PVT1: variants seen among roughly 807,000 people sequenced by gnomAD.
The protein encoded by PVT1 is CXCR4/PVT1 fusion.
At chr8:128,012,597 G>A (rs1348086657) in intron 4 of PVT1, among the ~76,000 whole-genome samples, 2 of 152,164 alleles carry the variant, frequency 1.3e-5, no homozygotes, top group South Asian at 2.1e-4. Flanking sequence ...AGGAGTTCTT[G>A]CAGAGTTGAT....
At chr8:127,862,489 G>A (rs1459889950) in intron 2 of PVT1, among the ~76,000 whole-genome samples, 1 of 152,020 alleles carries the variant, frequency 6.6e-6, no homozygotes, top group Non-Finnish European at 1.5e-5. Context: ...GCAATGATAC[G>A]TTCATAGCTC....
chr8:127,951,818 C>CTT (rs142500841), intron 3 of PVT1, among the ~76,000 whole-genome samples: 1 of 144,724 alleles, frequency 6.9e-6, no homozygotes, highest in African/African-American at 2.6e-5. Context: ...AACAGAATTC[C>CTT]TTTTTTTTTT....
intron 2 of PVT1, among the ~76,000 whole-genome samples, chr8:127,819,639 G>A (rs754302852): frequency 4.6e-5 from 7 of 152,062 alleles, no homozygotes; most frequent in Non-Finnish European, 8.8e-5. Context: ...AAGAGCCTCG[G>A]GATAAGTCGG....
intron 3 of PVT1, chr8:127,939,859 A>G (rs2129905235): frequency 6.6e-6 from 1 of 152,268 alleles, no homozygotes; most frequent in Non-Finnish European, 1.5e-5. Context: ...TGCTGGGCCC[A>G]CTGTTTTCTA....
intron 4 of PVT1, among the ~76,000 whole-genome samples, chr8:128,005,423 G>C (rs1016536212): frequency 6.6e-5 from 10 of 152,178 alleles, no homozygotes; most frequent in Non-Finnish European, 1.5e-4. Context: ...GCCAGGTGGG[G>C]CTTGGTGCAA....
intron 3 of PVT1, among the ~76,000 whole-genome samples, chr8:127,906,994 T>C (rs566992600): frequency 6.9e-6 from 1 of 144,070 alleles, no homozygotes; most frequent in South Asian, 2.2e-4. Context: ...AGAGTCTTGC[T>C]CTGTCAGCCA....
intron 3 of PVT1, among the ~76,000 whole-genome samples, chr8:127,970,955 T>C (rs1435207292): frequency 6.6e-6 from 1 of 152,190 alleles, no homozygotes; most frequent in Admixed American, 6.5e-5. Context: ...TATCAGTTTT[T>C]GTAAATAAAA....
chr8:128,052,406 G>C (rs1219734898), intron 4 of PVT1, among the ~76,000 whole-genome samples: 1 of 152,218 alleles, frequency 6.6e-6, no homozygotes, highest in Non-Finnish European at 1.5e-5. Flanking sequence ...GGTGATGTGA[G>C]TGATGTGAAA....
At chr8:127,849,978 G>A (rs1335275403) in intron 2 of PVT1, among the ~76,000 whole-genome samples, 3 of 137,574 alleles carry the variant, frequency 2.2e-5, no homozygotes, top group East Asian at 5.7e-4. Context: ...GTGCACGTGC[G>A]TGGGTGCACA....
chr8:127,819,582 C>T (rs1814706946), intron 2 of PVT1, among the ~76,000 whole-genome samples: 1 of 152,170 alleles, frequency 6.6e-6, no homozygotes, highest in Admixed American at 6.6e-5. Flanking sequence ...TAGAGGTGAT[C>T]TCTTCCTCCA....
At chr8:127,804,997 C>T (rs1483649563) in intron 2 of PVT1, among the ~76,000 whole-genome samples, 1 of 143,360 alleles carries the variant, frequency 7.0e-6, no homozygotes, top group Admixed American at 7.4e-5. Context: ...ATGGCGCGAT[C>T]TCGGCTCACT....
intron 4 of PVT1, among the ~76,000 whole-genome samples, chr8:128,062,641 A>G (rs1332746939): frequency 1.3e-5 from 2 of 152,244 alleles, no homozygotes; most frequent in African/African-American, 4.8e-5. Flanking sequence ...TGTATTTGCT[A>G]GTAAAAATAT....
At chr8:127,900,011 C>CTTTAT (rs969772630) in intron 3 of PVT1, among the ~76,000 whole-genome samples, 1 of 152,032 alleles carries the variant, frequency 6.6e-6, no homozygotes, top group Non-Finnish European at 1.5e-5. Context: ...GGATCATTGT[C>CTTTAT]TTTATTTTAT....
chr8:128,055,145 G>A (rs1321505354), intron 4 of PVT1, among the ~76,000 whole-genome samples: 2 of 152,062 alleles, frequency 1.3e-5, no homozygotes, highest in East Asian at 1.9e-4. Context: ...ATCTCTCTAT[G>A]TCCCTACAGA....
rs139787883 is a variant in PVT1, at chr8:127,956,594, C to T, written n.783-32568C>T. Among the ~76,000 whole-genome samples the T allele has an allele frequency of 4.7e-3, 715 of 152,350 alleles. 7 individuals carry two copies. Among genetic ancestry groups the T allele is most frequent in the African/African-American group, 0.017 (693 of 41,580 alleles). ...CTGCCTCCTGAGTTCAAGCGATTCTCCTGCCTCAGCCTCCCGAGTAGCTGA... is the reference window on the plus strand; with the variant it reads ...CTGCCTCCTGAGTTCAAGCGATTCTTCTGCCTCAGCCTCCCGAGTAGCTGA... On this transcript the variant is annotated intron_variant and non_coding_transcript_variant, in intron 3 of 10. Coordinates refer to ENST00000651587, the Ensembl canonical transcript of PVT1.
At chr8:128,066,979 T>C (rs1263982514) in intron 4 of PVT1, among the ~76,000 whole-genome samples, 6 of 152,170 alleles carry the variant, frequency 3.9e-5, no homozygotes, top group African/African-American at 1.4e-4. Flanking sequence ...CACTGAATGC[T>C]ATCCTTTCAC....
At chr8:127,962,572 C>T (rs1385716971) in intron 3 of PVT1, among the ~76,000 whole-genome samples, 1 of 151,722 alleles carries the variant, frequency 6.6e-6, no homozygotes. Flanking sequence ...ACCCAGGTTG[C>T]GGTTTTTGTC....
At chr8:128,069,475 A>T (rs1451535261) in intron 4 of PVT1, among the ~76,000 whole-genome samples, 2 of 152,214 alleles carry the variant, frequency 1.3e-5, no homozygotes, top group Admixed American at 6.5e-5. Flanking sequence ...GGGTCAGAGC[A>T]GGAGGTGCTC....
intron 3 of PVT1, among the ~76,000 whole-genome samples, chr8:127,907,680 G>T (rs769919211): frequency 1.3e-5 from 2 of 152,156 alleles, no homozygotes; most frequent in African/African-American, 2.4e-5. Context: ...GATCAGATTT[G>T]GGTCAGGAAG....
Sources: gnomAD v4.1 joint callset for allele counts (sites outside exome capture counted in the v4.1 genomes callset) on GRCh38, gnomAD v4.1.1 for gene constraint, MANE v1.5 for transcripts, NCBI Gene and HGNC (gene_info 2026-07-23, HGNC 2026-07-21) for gene names.